Variants in KALRN observed in about 807,000 individuals in gnomAD.
KALRN encodes kalirin.
In KALRN, 70 loss-of-function variants were observed where a neutral mutation model predicts 353.7. The ratio of observed to expected loss-of-function variants is 0.20; its 90% confidence interval spans 0.16 to 0.24. The LOEUF (loss-of-function observed/expected upper bound fraction) is 0.24. KALRN is among the 10% of genes least tolerant of loss of function. KALRN has a pLI of 1.00. For synonymous variants in KALRN, 1,391 were observed against 1,434.8 expected, an observed-to-expected ratio of 0.97 and a Z score of 0.69; for missense variants, 2,791 against 3,756.7, an observed-to-expected ratio of 0.74 and a Z score of 6.72.
intron 3 of KALRN, among the ~76,000 whole-genome samples, chr3:124,258,995 G>A (rs760631794): frequency 2.0e-5 from 3 of 152,196 alleles, no homozygotes; most frequent in African/African-American, 4.8e-5. Flanking sequence ...GTCTTAGACT[G>A]TGTTTAATAT....
At chr3:124,629,374 G>A (rs34552500) in intron 34 of KALRN, among the ~76,000 whole-genome samples, 53,430 of 151,742 alleles carry the variant, frequency 0.35, 10,309 homozygotes, top group East Asian at 0.65. Context: ...AAACAAAGCA[G>A]TAACAACAAC....
At chr3:124,193,550 C>T (rs1012498981) in intron 1 of KALRN, among the ~76,000 whole-genome samples, 2 of 151,890 alleles carry the variant, frequency 1.3e-5, no homozygotes, top group African/African-American at 2.4e-5. Flanking sequence ...TAACACTTCC[C>T]TATTTCCAAG....
chr3:124,329,640 A>C (rs903231304), intron 7 of KALRN, among the ~76,000 whole-genome samples: 2 of 151,964 alleles, frequency 1.3e-5, no homozygotes, highest in African/African-American at 4.8e-5. Context: ...CATAATAGTC[A>C]ATTTTGTGGA....
In KALRN at chr3:124,547,911, G is replaced by A. The variant is rs1392615338; in HGVS notation, c.4936-14932G>A. The stretch of plus-strand genomic sequence containing the variant: ...CATTCTTCTCCCTGTTTGCTAAAAT[G>A]GGGGCATAGGAGCCTTCTCACAGGG... On this transcript the variant is annotated intron_variant, in intron 33 of 59. Transcript: ENST00000682506. Among the ~76,000 whole-genome samples the A allele has an allele frequency of 2.6e-5, 4 of 152,118 alleles. No individual in the cohort carries two copies. In the East Asian group the frequency reaches 7.7e-4, roughly 29 times the overall value.
At position 124,176,545 on chromosome 3, in the gene KALRN, G is replaced by A. The variant is rs572839257; in HGVS notation, c.74-51445G>A. Among the ~76,000 whole-genome samples, 11 of 152,212 alleles carry A rather than the reference G, an allele frequency of 7.2e-5. No homozygotes were observed. The South Asian group carries it at 1.5e-3, about 20-fold the overall frequency. On this transcript the variant is annotated intron_variant, in intron 1 of 59. Coordinates refer to ENST00000682506, the MANE Select transcript of KALRN (RefSeq NM_001388419.1). ...AGCAGCTGCTCGTGCCAAAAGTCAG[G>A]GTATGCACTGTCAAGCCGAAGTTGG...
At chr3:124,495,296 C>T (rs2063584736) in intron 32 of KALRN, among the ~76,000 whole-genome samples, 2 of 152,152 alleles carry the variant, frequency 1.3e-5, no homozygotes. Flanking sequence ...GCATGAGATC[C>T]TCAAAACCCA....
intron 1 of KALRN, among the ~76,000 whole-genome samples, chr3:124,147,791 C>T (rs1025994830): frequency 1.3e-5 from 2 of 152,144 alleles, no homozygotes; most frequent in Admixed American, 6.5e-5. Context: ...CAGGTCATAT[C>T]CAGAAATTCT....
intron 9 of KALRN, among the ~76,000 whole-genome samples, chr3:124,343,532 G>A (rs903562078): frequency 6.6e-6 from 1 of 152,142 alleles, no homozygotes; most frequent in Non-Finnish European, 1.5e-5. Flanking sequence ...GTGGCTCTTA[G>A]GATGAACAAT....
chr3:124,164,094 G>A, intron 1 of KALRN: 1 of 465,928 alleles, frequency 2.1e-6, no homozygotes, highest in Non-Finnish European at 2.8e-6. Flanking sequence ...GACCTTGGCT[G>A]AGACATCCTT....
chr3:124,365,316 A>G (rs1357851732), intron 10 of KALRN, among the ~76,000 whole-genome samples: 2 of 152,218 alleles, frequency 1.3e-5, no homozygotes, highest in African/African-American at 4.8e-5. Flanking sequence ...AGTCATGAGC[A>G]GAGACACCCT....
chr3:124,496,193 C>A, intron 32 of KALRN, 118 bp from the exon 33 acceptor site: 1 of 687,268 alleles, frequency 1.5e-6, no homozygotes, highest in Non-Finnish European at 2.6e-6. Context: ...TTAGACAAAT[C>A]CCTGCTAGAA....
intron 34 of KALRN, among the ~76,000 whole-genome samples, chr3:124,592,309 C>CAAAAA (rs10575664): frequency 6.5e-4 from 78 of 120,606 alleles, no homozygotes; most frequent in Non-Finnish European, 8.1e-4. Flanking sequence ...CTCAAAGAAA[C>CAAAAA]AAAAAAAAAA....
At chr3:124,451,912 C>G (rs993064965) in intron 21 of KALRN, among the ~76,000 whole-genome samples, 2 of 152,188 alleles carry the variant, frequency 1.3e-5, no homozygotes, top group African/African-American at 2.4e-5. Context: ...GATTTCACTT[C>G]TACTCTGCAA....
At chr3:124,329,737 T>C (rs2080313779) in intron 7 of KALRN, 124 bp from the exon 8 acceptor site, 2 of 1,056,144 alleles carry the variant, frequency 1.9e-6, no homozygotes, top group Non-Finnish European at 2.8e-6. Flanking sequence ...CCCTCTACAG[T>C]GGTCTCTGAA....
intron 41 of KALRN, among the ~76,000 whole-genome samples, chr3:124,658,048 G>C (rs906904372): frequency 5.9e-5 from 9 of 152,160 alleles, no homozygotes; most frequent in Admixed American, 1.3e-4. Flanking sequence ...TAGCCACTTG[G>C]GGGGGCGGAG....
At chr3:124,226,193 C>T (rs922499005) in intron 1 of KALRN, among the ~76,000 whole-genome samples, 2 of 152,104 alleles carry the variant, frequency 1.3e-5, no homozygotes, top group Non-Finnish European at 2.9e-5. Flanking sequence ...AATGTCTCCT[C>T]ATTGCATGAG....
At chr3:124,052,018 T>C (rs2041090341) in intron 1 of KALRN, among the ~76,000 whole-genome samples, 1 of 152,144 alleles carries the variant, frequency 6.6e-6, no homozygotes, top group Non-Finnish European at 1.5e-5. Context: ...ATGAACTGAA[T>C]GGATAGCAGG....
chr3:124,653,976 A>T (rs1186812251), intron 38 of KALRN, among the ~76,000 whole-genome samples: 1 of 152,208 alleles, frequency 6.6e-6, no homozygotes, highest in Non-Finnish European at 1.5e-5. Flanking sequence ...CACTAGCAGC[A>T]CCTAATACAG....
chr3:124,270,950 C>T (rs1398910201), intron 5 of KALRN, among the ~76,000 whole-genome samples: 1 of 151,710 alleles, frequency 6.6e-6, no homozygotes, highest in African/African-American at 2.4e-5. Context: ...CTGCCTCAGC[C>T]TCCTGAGTAG....
Sources: gnomAD v4.1 joint callset for allele counts (sites outside exome capture counted in the v4.1 genomes callset) on GRCh38, gnomAD v4.1.1 for gene constraint, MANE v1.5 for transcripts, NCBI Gene and HGNC (gene_info 2026-07-23, HGNC 2026-07-21) for gene names.